CTTN: variants seen among roughly 807,000 people sequenced by gnomAD.
The protein encoded by CTTN is src substrate cortactin.
CTTN carries 28 observed loss-of-function variants against 84.0 expected under a neutral mutation model. The ratio of observed to expected loss-of-function variants is 0.33; its 90% confidence interval spans 0.25 to 0.46. The LOEUF is 0.46. Ranked by LOEUF, CTTN falls within the 20% of genes least tolerant of loss-of-function variation. The pLI, the probability that CTTN is intolerant of heterozygous loss-of-function variation, is 1.00. For synonymous variants in CTTN, 301 were observed against 288.8 expected (o/e 1.04, Z -0.43); for missense variants, 641 against 723.8 (o/e 0.89, Z 1.31).
intron 17 of CTTN, 138 bp from the exon 18 acceptor site, chr11:70,434,888 G>C: frequency 2.3e-6 from 2 of 869,686 alleles, no homozygotes; most frequent in South Asian, 2.9e-5. Flanking sequence ...GGCAGCAGGA[G>C]CCTCCGCGGT....
chr11:70,412,110 C>A (rs2058102429), intron 5 of CTTN, among the ~76,000 whole-genome samples: 1 of 152,200 alleles, frequency 6.6e-6, no homozygotes, highest in Non-Finnish European at 1.5e-5. Flanking sequence ...CTCAGGTCAG[C>A]ACCATGGGAC....
At chr11:70,410,089 C>T in intron 5 of CTTN, 129 bp downstream of exon 5, 1 of 929,386 alleles carries the variant, frequency 1.1e-6, no homozygotes, top group Non-Finnish European at 1.7e-6. Flanking sequence ...TTGCGATTTG[C>T]CCGGAGTAGA....
At chr11:70,409,097 A>G (rs2058073647) in intron 4 of CTTN, among the ~76,000 whole-genome samples, 1 of 151,954 alleles carries the variant, frequency 6.6e-6, no homozygotes, top group South Asian at 2.1e-4. Context: ...TCCTGCTCAT[A>G]AGGGTATTGG....
rs1591450163 is a variant in CTTN at position 70,429,422 on chromosome 11, C to T, written c.1176+223C>T. 2.6e-5 allele frequency among the ~76,000 whole-genome samples: 4 copies of T among 152,212 alleles called. No homozygotes were observed. The South Asian group carries it at 8.3e-4, about 32-fold the overall frequency. On this transcript the variant is annotated intron_variant, in intron 14 of 17. Transcript: ENST00000301843. ...GCTCCAGGCAGCCGGCTAGCGCTAT[C>T]CTGGTCTTGCCGGTCCAGCCCCAGG...
At chr11:70,429,699 G>A (rs1352845966) in intron 14 of CTTN, among the ~76,000 whole-genome samples, 3 of 152,174 alleles carry the variant, frequency 2.0e-5, no homozygotes, top group East Asian at 1.9e-4. Context: ...GTGGAGAAGC[G>A]CTCCCAGAGA....
At chr11:70,403,273 C>T (rs1432359831) in intron 1 of CTTN, among the ~76,000 whole-genome samples, 1 of 134,218 alleles carries the variant, frequency 7.5e-6, no homozygotes, top group Non-Finnish European at 1.6e-5. Flanking sequence ...ACTACAGCCT[C>T]TGTCTCCCGG....
chr11:70,399,479 T>C (rs938033512), intron 1 of CTTN, among the ~76,000 whole-genome samples: 1 of 151,928 alleles, frequency 6.6e-6, no homozygotes, highest in Admixed American at 6.6e-5. Context: ...CCGCCCGGCC[T>C]GCACCTGAGC....
At chr11:70,424,335 C>T (rs1020360587) in intron 12 of CTTN, among the ~76,000 whole-genome samples, 4 of 152,020 alleles carry the variant, frequency 2.6e-5, no homozygotes, top group Admixed American at 6.5e-5. Context: ...CTGGTGTTGG[C>T]GGTGACCGCT....
intron 7 of CTTN, 150 bp from the exon 8 acceptor site, chr11:70,416,863 T>C: frequency 1.5e-6 from 1 of 655,964 alleles, no homozygotes; most frequent in African/African-American, 1.8e-5. Context: ...GTCACCTGTA[T>C]GGAGCAGTGG....
chr11:70,413,558 G>A (rs937065444), intron 5 of CTTN, among the ~76,000 whole-genome samples: 6 of 152,304 alleles, frequency 3.9e-5, no homozygotes, highest in South Asian at 2.1e-4. Flanking sequence ...TCCCAGAGGC[G>A]TTATTTACAG....
intron 6 of CTTN, 32 bp downstream of exon 6, chr11:70,414,684 T>C (rs1284947522): frequency 6.5e-7 from 1 of 1,547,566 alleles, no homozygotes. Flanking sequence ...CTGGGGCAGG[T>C]TGGGGCAAGG....
intron 1 of CTTN, among the ~76,000 whole-genome samples, chr11:70,403,872 T>C (rs1243593743): frequency 6.6e-6 from 1 of 152,134 alleles, no homozygotes; most frequent in Non-Finnish European, 1.5e-5. Context: ...AGATTTTTAT[T>C]ATTTACTTTA....
intron 1 of CTTN, among the ~76,000 whole-genome samples, chr11:70,401,981 A>C (rs1377292764): frequency 6.6e-6 from 1 of 151,892 alleles, no homozygotes; most frequent in African/African-American, 2.4e-5. Flanking sequence ...ATGAAACCCC[A>C]TCTCTACTAA....
Position 70,435,022 on chromosome 11 carries a change from C to T in CTTN, c.1517-4C>T. The T allele has an allele frequency of 6.2e-7, 1 of 1,613,810 alleles. No homozygotes were observed. Among genetic ancestry groups the T allele is most frequent in the Non-Finnish European group, 8.5e-7 (1 of 1,179,926 alleles). ...AGCATCTTTCTCTGTGTTCTCTTCC[C>T]CAGCGGGCGATGATGAGATCTCATT... On this transcript the variant is annotated splice_polypyrimidine_tract_variant and splice_region_variant and intron_variant, in intron 17 of 17. Coordinates refer to ENST00000301843, the MANE Select transcript of CTTN (RefSeq NM_005231.4).
intron 7 of CTTN, 37 bp downstream of exon 7, chr11:70,415,754 G>T: frequency 2.5e-6 from 4 of 1,606,650 alleles, no homozygotes; most frequent in Non-Finnish European, 3.4e-6. Flanking sequence ...CCCGCTCCGG[G>T]GGCCCCGATG....
In CTTN at chr11:70,436,425, T is replaced by C; in HGVS notation, c.*1263T>C. 1 of 1,596,192 alleles carries C rather than the reference T, an allele frequency of 6.3e-7. No homozygotes were observed. Among genetic ancestry groups the C allele is most frequent in the Non-Finnish European group, 8.5e-7 (1 of 1,178,522 alleles). On this transcript the variant is annotated 3_prime_UTR_variant, in exon 18 of 18. Coordinates refer to ENST00000301843, the MANE Select transcript of CTTN (RefSeq NM_005231.4). ...TGCCCGTGAAGCGTGTTTTTGCTCC[T>C]GAGGTGCATTTTCTCATCATCCTTG... is the stretch of plus-strand genomic sequence containing the variant.
chr11:70,430,513 C>A (rs923080300), intron 14 of CTTN, among the ~76,000 whole-genome samples: 2 of 152,332 alleles, frequency 1.3e-5, no homozygotes, highest in Non-Finnish European at 2.9e-5. Context: ...CTGCCTCCCT[C>A]CTCTCAGGAC....
In CTTN at chr11:70,421,586, G is replaced by T. The variant is rs777147969; in HGVS notation, c.901+6G>T. Reference sequence around the variant, plus strand: ...CAAGCACGAGTCCCAGCAAGGCACAGTTGCCACCAGCCTCCTACCCTCCCC... The same window carrying T: ...CAAGCACGAGTCCCAGCAAGGCACATTTGCCACCAGCCTCCTACCCTCCCC... On this transcript the variant is annotated splice_donor_region_variant and intron_variant, in intron 11 of 17. Coordinates refer to ENST00000301843, the MANE Select transcript of CTTN (RefSeq NM_005231.4). 1 of 1,605,922 alleles carries T rather than the reference G, an allele frequency of 6.2e-7. No individual in the cohort carries two copies. The highest frequency in any genetic ancestry group is 1.7e-5 in the Admixed American group (1 of 60,000).
At position 70,425,315 on chromosome 11, in the gene CTTN, A is replaced by G. The variant is rs753208595; in HGVS notation, c.958-17A>G. ...AGAGAAAAGTGCTCTCCTGACGCCC[A>G]TGTCCTGTCTCTGCAGAATGCGTCA... On this transcript the variant is annotated splice_polypyrimidine_tract_variant and intron_variant, in intron 12 of 17. Coordinates refer to ENST00000301843, the MANE Select transcript of CTTN (RefSeq NM_005231.4). The G allele has an allele frequency of 8.1e-6, 13 of 1,607,424 alleles. No individual in the cohort carries two copies. The East Asian group carries it at 2.5e-4, about 30-fold the overall frequency.
Sources: allele counts gnomAD v4.1 joint callset (sites outside exome capture counted in the v4.1 genomes callset), GRCh38; gene constraint gnomAD v4.1.1; transcripts MANE v1.5; gene names NCBI Gene and HGNC (gene_info 2026-07-23, HGNC 2026-07-21).